Variants in TMCC1 observed in about 807,000 individuals in gnomAD.
TMCC1 encodes the protein transmembrane and coiled-coil domains protein 1.
In TMCC1, 15 loss-of-function variants were observed where a neutral mutation model predicts 52.4. The ratio of observed to expected loss-of-function variants is 0.29; its 90% CI spans 0.19 to 0.44. The LOEUF is 0.44. Ranked by LOEUF, TMCC1 falls within the 20% of genes least tolerant of loss-of-function variation. The pLI is 1.00. For synonymous variants in TMCC1, 279 were observed against 301.9 expected (o/e 0.92, Z 0.79); for missense variants, 503 against 806.0 (o/e 0.62, Z 4.55).
chr3:129,786,480 T>G (rs921663903), intron 4 of TMCC1, among the ~76,000 whole-genome samples: 1 of 152,160 alleles, frequency 6.6e-6, no homozygotes, highest in Non-Finnish European at 1.5e-5. Flanking sequence ...TGAGATATGC[T>G]GGGGGTGACA....
chr3:129,773,770 C>A (rs2054805632), intron 4 of TMCC1, among the ~76,000 whole-genome samples: 1 of 152,008 alleles, frequency 6.6e-6, no homozygotes, highest in African/African-American at 2.4e-5. Flanking sequence ...TATAGTGAGA[C>A]CCTGTCTCTA....
chr3:129,770,369 A>G (rs1322720039), intron 4 of TMCC1, among the ~76,000 whole-genome samples: 1 of 152,188 alleles, frequency 6.6e-6, no homozygotes, highest in Non-Finnish European at 1.5e-5. Flanking sequence ...TACAAAAATT[A>G]GCTGGGCATG....
intron 1 of TMCC1, among the ~76,000 whole-genome samples, chr3:129,882,698 A>G (rs553358770): frequency 8.5e-5 from 13 of 152,270 alleles, no homozygotes. Flanking sequence ...TCTTAAAAAG[A>G]AAGAACATTC....
chr3:129,844,414 A>G (rs1483642693), intron 2 of TMCC1, among the ~76,000 whole-genome samples: 1 of 152,200 alleles, frequency 6.6e-6, no homozygotes, highest in African/African-American at 2.4e-5. Flanking sequence ...TTTGGGTAAA[A>G]CTGGGAAAAA....
intron 4 of TMCC1, among the ~76,000 whole-genome samples, chr3:129,797,558 A>G (rs2056918202): frequency 6.6e-6 from 1 of 152,080 alleles, no homozygotes; most frequent in African/African-American, 2.4e-5. Flanking sequence ...CCTGGGCAAC[A>G]CGGTGAAACA....
chr3:129,679,180 G>A (rs753594903), intron 4 of TMCC1, among the ~76,000 whole-genome samples: 8 of 152,196 alleles, frequency 5.3e-5, no homozygotes, highest in Non-Finnish European at 8.8e-5. Flanking sequence ...GGCTTTTCAC[G>A]CAGTGAGTGT....
At chr3:129,741,311 A>C (rs1159799104) in intron 4 of TMCC1, among the ~76,000 whole-genome samples, 1 of 152,316 alleles carries the variant, frequency 6.6e-6, no homozygotes. Flanking sequence ...TGCACTGAAT[A>C]ATTTCCAAAT....
chr3:129,851,367 T>C (rs1182464406), intron 2 of TMCC1, among the ~76,000 whole-genome samples: 3 of 151,988 alleles, frequency 2.0e-5, no homozygotes, highest in Non-Finnish European at 4.4e-5. Flanking sequence ...GGATCAAACT[T>C]CCAGCAAGAT....
Position 129,827,959 on chromosome 3 carries a change from C to T in TMCC1, c.420G>A (p.Lys140=). The part of the protein sequence containing the change: ...APKGSPQINR[K]SGQEMTAVMQ... ...TAACAGCTGTCATCTCCTGACCAGA[C>T]TTCCTGTTGATTTGGGGACTTCCCT... The change falls in exon 4 of 7, where the codon AAG becomes AAA. Residue 140 remains lysine (K), a synonymous_variant. Transcript: ENST00000393238. 1 of 1,614,162 alleles carries T rather than the reference C, an allele frequency of 6.2e-7. No individual in the cohort carries two copies. Among genetic ancestry groups the T allele is most frequent in the Non-Finnish European group, 8.5e-7 (1 of 1,180,008 alleles).
In TMCC1 at chr3:129,685,529, C is replaced by T. The variant is rs547905698; in HGVS notation, c.577-14265G>A. Among the ~76,000 whole-genome samples, 5 of 152,058 alleles carry T rather than the reference C, an allele frequency of 3.3e-5. No homozygotes were observed. In the South Asian group the frequency reaches 6.2e-4, roughly 19 times the overall value. ...AAGGAAAAGCATTTCAGGTTAACAG[C>T]CTAGTATGCAGAACAGTCCAGAAGA... is the stretch of plus-strand genomic sequence containing the variant. On this transcript the variant is annotated intron_variant, in intron 4 of 6. Transcript: ENST00000393238.
rs202244137 is a variant in TMCC1, at chr3:129,770,632, G to A, written c.576+57171C>T. 3.7e-4 allele frequency among the ~76,000 whole-genome samples: 52 copies of A among 140,804 alleles called. No individual in the cohort carries two copies. The East Asian group carries it at 3.7e-3, about 10-fold the overall frequency. The allele number at this position is 140,804 out of a possible 152,430, so 92.4% of individuals were successfully genotyped here. The stretch of plus-strand genomic sequence containing the variant: ...GAAATGAAATGAAATGAAATGAAAT[G>A]AAATAAAATAAAATAAAATAAAATA... On this transcript the variant is annotated intron_variant, in intron 4 of 6. Transcript: ENST00000393238.
rs539405258 is a variant in TMCC1, at chr3:129,817,716, C to G, written c.576+10087G>C. Among the ~76,000 whole-genome samples the G allele has an allele frequency of 4.6e-5, 7 of 152,096 alleles. No individual in the cohort carries two copies. The South Asian group carries it at 1.5e-3, about 32-fold the overall frequency. Reference sequence around the variant, plus strand: ...AGACTGGAGTGCAGTGGTGAGATCTCTGCTCACTGCAACCTCCACCTCCTG... The same window carrying G: ...AGACTGGAGTGCAGTGGTGAGATCTGTGCTCACTGCAACCTCCACCTCCTG... On this transcript the variant is annotated intron_variant, in intron 4 of 6. Coordinates refer to ENST00000393238, the MANE Select transcript of TMCC1 (RefSeq NM_001017395.5).
intron 4 of TMCC1, among the ~76,000 whole-genome samples, chr3:129,757,098 A>C (rs1238573637): frequency 1.3e-5 from 2 of 152,182 alleles, no homozygotes; most frequent in Non-Finnish European, 2.9e-5. Context: ...ACAACATTCC[A>C]AACTGCAGAT....
At chr3:129,789,424 A>AC (rs1360796805) in intron 4 of TMCC1, among the ~76,000 whole-genome samples, 4 of 152,194 alleles carry the variant, frequency 2.6e-5, no homozygotes, top group Non-Finnish European at 5.9e-5. Flanking sequence ...TTCAAAGGAA[A>AC]CTACTTCTGA....
intron 4 of TMCC1, among the ~76,000 whole-genome samples, chr3:129,801,048 G>A (rs997308733): frequency 2.0e-5 from 3 of 148,838 alleles, no homozygotes; most frequent in Admixed American, 1.4e-4. Context: ...CTCAGCCTCC[G>A]GAGCAGCAGG....
At chr3:129,887,633 CA>C (rs1560625722) in intron 1 of TMCC1, among the ~76,000 whole-genome samples, 1 of 150,800 alleles carries the variant, frequency 6.6e-6, no homozygotes, top group African/African-American at 2.4e-5. Context: ...ATACTGTGAG[CA>C]TTAAAAAAAA....
At chr3:129,891,379 C>A (rs777906452) in intron 1 of TMCC1, among the ~76,000 whole-genome samples, 1 of 152,172 alleles carries the variant, frequency 6.6e-6, no homozygotes, top group Non-Finnish European at 1.5e-5. Flanking sequence ...TTTAAAAACT[C>A]ATTAATATTC....
intron 5 of TMCC1, among the ~76,000 whole-genome samples, chr3:129,663,596 T>G (rs2087214200): frequency 6.6e-6 from 1 of 152,136 alleles, no homozygotes; most frequent in Non-Finnish European, 1.5e-5. Flanking sequence ...TGAACTAGCC[T>G]TCAGCTGAAA....
chr3:129,663,966 A>G (rs2087247499), intron 5 of TMCC1, among the ~76,000 whole-genome samples: 1 of 152,218 alleles, frequency 6.6e-6, no homozygotes, highest in South Asian at 2.1e-4. Flanking sequence ...GAGTTATGTA[A>G]TCTACTCAGA....
Sources: allele counts gnomAD v4.1 joint callset (sites outside exome capture counted in the v4.1 genomes callset), GRCh38; gene constraint gnomAD v4.1.1; transcripts MANE v1.5; gene names NCBI Gene and HGNC (gene_info 2026-07-23, HGNC 2026-07-21).